Variants in ACKR3 observed in about 807,000 individuals in gnomAD.
The protein encoded by ACKR3 is C-X-C chemokine receptor type 7.
Under a neutral mutation model 22.4 loss-of-function variants are expected in ACKR3, and 6 were observed. The observed-to-expected ratio is 0.27, with a 90% CI of 0.15 to 0.53. The LOEUF is 0.53. Among genes scored for constraint, ACKR3 ranks in the 20% least tolerant of loss-of-function variants. The pLI is 0.96. For synonymous variants in ACKR3, 209 were observed against 205.2 expected (o/e 1.02, Z -0.16); for missense variants, 396 against 475.2 (o/e 0.83, Z 1.55).
At chr2:236,548,249 A>G in the ACKR3 span, among the ~76,000 whole-genome samples, 3 of 152,014 alleles carry the variant, frequency 2.0e-5, no homozygotes. The surrounding 1 kb of genome is among the most constrained non-coding windows in gnomAD (Gnocchi z 4.3). Context: ...TTATGAACTC[A>G]TGATCAGTGG....
the ACKR3 span, among the ~76,000 whole-genome samples, chr2:236,539,709 T>A: frequency 6.6e-6 from 1 of 152,196 alleles, no homozygotes; most frequent in South Asian, 2.1e-4. Flanking sequence ...CTGGATCTTA[T>A]ATTGTATTAG....
chr2:236,576,257 A>G (rs974757677), intron 1 of ACKR3, among the ~76,000 whole-genome samples: 3 of 152,208 alleles, frequency 2.0e-5, no homozygotes, highest in Admixed American at 6.5e-5. Flanking sequence ...TTCCCAGCGT[A>G]AACAGACCCC....
the ACKR3 span, among the ~76,000 whole-genome samples, chr2:236,549,701 C>T: frequency 1.3e-5 from 2 of 152,188 alleles, no homozygotes; most frequent in Non-Finnish European, 2.9e-5. The surrounding 1 kb of genome is among the most constrained non-coding windows in gnomAD (Gnocchi z 5.3). Context: ...GTCCGTGTCC[C>T]ACCCAACCCA....
intron 1 of ACKR3, among the ~76,000 whole-genome samples, chr2:236,572,525 TGCAGA>T (rs1691330740): frequency 6.6e-6 from 1 of 152,226 alleles, no homozygotes; most frequent in Non-Finnish European, 1.5e-5. Context: ...CAGTTGTATA[TGCAGA>T]GCCTAAGTTT....
At chr2:236,560,203 A>T in the ACKR3 span, among the ~76,000 whole-genome samples, 1 of 152,028 alleles carries the variant, frequency 6.6e-6, no homozygotes, top group South Asian at 2.1e-4. Flanking sequence ...TTCTATTTTT[A>T]ATTTTTTTTG....
the ACKR3 span, among the ~76,000 whole-genome samples, chr2:236,557,521 A>G: frequency 6.6e-6 from 1 of 152,354 alleles, no homozygotes; most frequent in Non-Finnish European, 1.5e-5. Flanking sequence ...TTGAAAGGAC[A>G]TAGAGGCTAG....
chr2:236,575,678 G>T (rs920751809), intron 1 of ACKR3, among the ~76,000 whole-genome samples: 1 of 139,232 alleles, frequency 7.2e-6, no homozygotes, highest in African/African-American at 2.9e-5. Flanking sequence ...CGTTTCTGGG[G>T]TTGTGCTGTG....
the ACKR3 span, among the ~76,000 whole-genome samples, chr2:236,553,142 T>G: frequency 2.0e-5 from 3 of 152,292 alleles, no homozygotes; most frequent in Non-Finnish European, 4.4e-5. Context: ...TGCGGTTGGC[T>G]GCTTTGCAGT....
At chr2:236,570,022 G>T (rs965794982) in intron 1 of ACKR3, 98 bp downstream of exon 1, 2 of 152,188 alleles carry the variant, frequency 1.3e-5, no homozygotes, top group African/African-American at 4.8e-5. Context: ...CTTTAAAATC[G>T]CTCAGATGGG....
At chr2:236,546,430 CT>C in the ACKR3 span, among the ~76,000 whole-genome samples, 1 of 152,198 alleles carries the variant, frequency 6.6e-6, no homozygotes, top group Non-Finnish European at 1.5e-5. The surrounding 1 kb of genome is among the most constrained non-coding windows in gnomAD (Gnocchi z 4.9). Flanking sequence ...TACATAGATA[CT>C]TTTCCACTAT....
chr2:236,562,607 C>A, the ACKR3 span, among the ~76,000 whole-genome samples: 12 of 151,998 alleles, frequency 7.9e-5, no homozygotes, highest in African/African-American at 2.7e-4. Flanking sequence ...CACATTCCTA[C>A]CTCCAGGGAC....
At chr2:236,570,892 G>C (rs554416489) in intron 1 of ACKR3, among the ~76,000 whole-genome samples, 17 of 152,196 alleles carry the variant, frequency 1.1e-4, no homozygotes, top group Non-Finnish European at 2.1e-4. Flanking sequence ...GGATTACTTA[G>C]TGTTTCAAAA....
the ACKR3 span, among the ~76,000 whole-genome samples, chr2:236,540,172 C>T: frequency 6.6e-6 from 1 of 152,188 alleles, no homozygotes; most frequent in Non-Finnish European, 1.5e-5. Context: ...TCCACTTGTT[C>T]CTCATTCTTG....
chr2:236,581,733 G>T lies in ACKR3; in HGVS notation c.*179G>T. 3 of 799,142 alleles carry T rather than the reference G, an allele frequency of 3.8e-6. No homozygotes were observed. Among genetic ancestry groups the T allele is most frequent in the Non-Finnish European group, 5.8e-6 (3 of 518,420 alleles). 49.5% of individuals were successfully genotyped at this position (799,142 alleles called of 1,614,324 possible). The stretch of plus-strand genomic sequence containing the variant: ...CTCTTGATGACGCAGCTGTCATTTG[G>T]CTGTGCGTGCTGACAGTTTTGCAAC... On this transcript the variant is annotated 3_prime_UTR_variant, in exon 2 of 2. Transcript: ENST00000272928. This position sits in a 1 kb window ranked among gnomAD's most constrained non-coding sequence, Gnocchi z 4.4.
the ACKR3 span, among the ~76,000 whole-genome samples, chr2:236,547,576 G>A: frequency 6.6e-6 from 1 of 152,162 alleles, no homozygotes; most frequent in Non-Finnish European, 1.5e-5. Context: ...CTTTAAGGAA[G>A]CTTTGCTGGC....
At position 236,580,631 on chromosome 2, in the gene ACKR3, G is replaced by T. The variant is rs769053538; in HGVS notation, c.166G>T (p.Val56Phe). The T allele has an allele frequency of 6.2e-7, 1 of 1,613,804 alleles. No individual in the cohort carries two copies. Among genetic ancestry groups the T allele is most frequent in the Non-Finnish European group, 8.5e-7 (1 of 1,179,836 alleles). ...TLSFIYIFIF[V>F]IGMIANSVVV... is the part of the protein sequence containing the mutation. ...CTCCTTCATTTACATTTTCATCTTCGTCATCGGCATGATTGCCAACTCCGT... is the reference window on the plus strand; with the variant it reads ...CTCCTTCATTTACATTTTCATCTTCTTCATCGGCATGATTGCCAACTCCGT... The change falls in exon 2 of 2, where the codon GTC becomes TTC. Residue 56 changes from valine (V) to phenylalanine (F), a missense_variant. Coordinates refer to ENST00000272928, the MANE Select transcript of ACKR3 (RefSeq NM_020311.3).
Position 236,580,637 on chromosome 2 carries a change from G to A in ACKR3, c.172G>A (p.Gly58Ser), listed in dbSNP as rs142103866. 86 of 1,613,674 alleles carry A rather than the reference G, an allele frequency of 5.3e-5. No individual in the cohort carries two copies. Among genetic ancestry groups the A allele is most frequent in the Middle Eastern group, 1.6e-4 (1 of 6,084 alleles). The change falls in exon 2 of 2, where the codon GGC becomes AGC. Residue 58 changes from glycine to serine, a missense_variant. Transcript: ENST00000272928. ...CATTTACATTTTCATCTTCGTCATC[G>A]GCATGATTGCCAACTCCGTGGTGGT... ...SFIYIFIFVIGMIANSVVVWV... is the reference protein window; with the variant it reads ...SFIYIFIFVISMIANSVVVWV...
At chr2:236,550,017 G>A in the ACKR3 span, among the ~76,000 whole-genome samples, 1 of 152,230 alleles carries the variant, frequency 6.6e-6, no homozygotes, top group Non-Finnish European at 1.5e-5. This position sits in a 1 kb window ranked among gnomAD's most constrained non-coding sequence, Gnocchi z 4.6. Flanking sequence ...GCAGGGCACT[G>A]TCTGCCCAGG....
At chr2:236,580,343 C>T (rs747763075) in intron 1 of ACKR3, 97 bp from the exon 2 acceptor site, 175 of 1,334,308 alleles carry the variant, frequency 1.3e-4, no homozygotes, top group Non-Finnish European at 1.7e-4. Context: ...CTGAGCCTAT[C>T]AGGGCCTTGG....
Sources: allele counts gnomAD v4.1 joint callset (sites outside exome capture counted in the v4.1 genomes callset), GRCh38; gene constraint gnomAD v4.1.1; non-coding constraint Gnocchi (gnomAD v3.1); transcripts MANE v1.5; gene names NCBI Gene and HGNC (gene_info 2026-07-23, HGNC 2026-07-21).